AVPR1B: variants seen among roughly 807,000 people sequenced by gnomAD.
AVPR1B encodes the protein arginine vasopressin receptor 1B, also known as vasopressin V1b receptor.
Under a neutral mutation model 27.5 loss-of-function variants are expected in AVPR1B, and 25 were observed. The ratio of observed to expected loss-of-function variants is 0.91; its 90% CI spans 0.66 to 1.27. The LOEUF is 1.27. Among genes scored for constraint, AVPR1B ranks in the 50% most tolerant of loss-of-function variants. AVPR1B has a pLI of 0.00. For missense variants in AVPR1B, 595 were observed against 556.9 expected, an observed-to-expected ratio of 1.07 and a Z score of -0.69; for synonymous variants, 248 against 240.2, an observed-to-expected ratio of 1.03 and a Z score of -0.30.
chr1:206,113,775 T>C (rs34478268), intron 1 of AVPR1B, among the ~76,000 whole-genome samples: 2,379 of 152,330 alleles, frequency 0.016, 64 homozygotes, highest in African/African-American at 0.054. Flanking sequence ...GCCCAAGCTC[T>C]ATCTCTCACT....
In AVPR1B at chr1:206,115,981, A is replaced by T; in HGVS notation, c.910T>A (p.Ser304Thr). Reference sequence around the variant, plus strand: ...TCAGGGGCATTCTTGTCCCACACGGACCACATCTGGACACTGAAGAAGGGA... The same window carrying T: ...TCAGGGGCATTCTTGTCCCACACGGTCCACATCTGGACACTGAAGAAGGGA... ...WAPFFSVQMW[S>T]VWDKNAPDED... The change falls in exon 1 of 2, where the codon TCC (serine) becomes ACC (threonine). Residue 304 changes from serine (S) to threonine (T), a missense_variant. Transcript: ENST00000367126. 1 of 1,610,696 alleles carries T rather than the reference A, an allele frequency of 6.2e-7. No homozygotes were observed.
chr1:206,116,376 A>G lies in AVPR1B; in HGVS notation c.515T>C (p.Phe172Ser), dbSNP rs781913673. The part of the protein sequence containing the change: ...AIFSLPQVFI[F>S]SLREVIQGSG... ...GCCCTGGATCACCTCCCGCAGGGAA[A>G]AAATGAAGACTTGAGGGAGGCTGAA... Residue 172 changes from phenylalanine (F) to serine (S), a missense_variant, in exon 1 of 2, where the codon TTT (phenylalanine) becomes TCT (serine). Physicochemically the swap from Phe to Ser is radical, Grantham distance 155 (BLOSUM62 -2). Transcript: ENST00000367126. 6.2e-7 allele frequency: 1 copy of G among 1,613,820 alleles called. No individual in the cohort carries two copies. Among genetic ancestry groups the G allele is most frequent in the East Asian group, 2.2e-5 (1 of 44,878 alleles).
Position 206,107,259 on chromosome 1 carries a change from A to G in AVPR1B, c.*2930T>C, listed in dbSNP as rs1458661854. ...CAGGATGGCATAAACAATTTACACAAGTGCCCAGCCAGAGACGGCATTGTT... is the reference window on the plus strand; with the variant it reads ...CAGGATGGCATAAACAATTTACACAGGTGCCCAGCCAGAGACGGCATTGTT... On this transcript the variant is annotated 3_prime_UTR_variant, in exon 2 of 2. Coordinates refer to ENST00000367126, the MANE Select transcript of AVPR1B (RefSeq NM_000707.5). Among the ~76,000 whole-genome samples the G allele has an allele frequency of 2.0e-5, 3 of 152,150 alleles. No homozygotes were observed. In the East Asian group the frequency reaches 5.8e-4, roughly 29 times the overall value.
rs1328197443 is a variant in AVPR1B at position 206,116,318 on chromosome 1, G to A, written c.573C>T (p.Gly191=). 8 of 1,613,578 alleles carry A rather than the reference G, an allele frequency of 5.0e-6. No individual in the cohort carries two copies. The highest frequency in any genetic ancestry group is 5.9e-6 in the Non-Finnish European group (7 of 1,180,040). ...SGVLDCWADF[G]FPWGPRAYLT... ...GGTAGGCCCGTGGCCCCCAAGGGAA[G>A]CCGAAGTCTGCCCAGCAGTCCAGCA... The change falls in exon 1 of 2, where the codon GGC becomes GGT. Residue 191 remains glycine, a synonymous_variant. Transcript: ENST00000367126.
intron 1 of AVPR1B, among the ~76,000 whole-genome samples, 170 bp downstream of exon 1, chr1:206,115,781 G>A (rs1663453260): frequency 3.3e-5 from 5 of 152,212 alleles, no homozygotes; most frequent in Admixed American, 3.3e-4. Context: ...TCGGTAGGCT[G>A]AATGGAAATC....
In AVPR1B at chr1:206,110,136, G is replaced by A; in HGVS notation, c.*53C>T. On this transcript the variant is annotated 3_prime_UTR_variant, in exon 2 of 2. Coordinates refer to ENST00000367126, the MANE Select transcript of AVPR1B (RefSeq NM_000707.5). ...CTCTCATTTCCAGTGCCCGAGGTGG[G>A]CAGAGAACCTCCACTAGTCCTGGGG... 1 of 1,529,912 alleles carries A rather than the reference G, an allele frequency of 6.5e-7. No individual in the cohort carries two copies. The highest frequency in any genetic ancestry group is 8.8e-7 in the Non-Finnish European group (1 of 1,133,356). The allele number at this position is 1,529,912 out of a possible 1,614,324, so 94.8% of individuals were successfully genotyped here. A position where few individuals can be genotyped will look rare whatever the true frequency, so the allele number is the denominator to read the frequency against.
Position 206,116,579 on chromosome 1 carries a change from G to T in AVPR1B, c.312C>A (p.Asp104Glu), listed in dbSNP as rs782670454. The change falls in exon 1 of 2, where the codon GAC becomes GAA. Residue 104 changes from aspartate to glutamate, a missense_variant. Asp to Glu is a conservative substitution (Grantham distance 45). Coordinates refer to ENST00000367126, the MANE Select transcript of AVPR1B (RefSeq NM_000707.5). ...WDITYRFQGP[D>E]LLCRAVKYLQ... is the part of the protein sequence containing the mutation. ...GGTACTTGACGGCCCTGCACAGGAG[G>T]TCGGGGCCCTGGAAGCGGTAGGTGA... 1 of 1,614,168 alleles carries T rather than the reference G, an allele frequency of 6.2e-7. No individual in the cohort carries two copies. Among genetic ancestry groups the T allele is most frequent in the South Asian group, 1.1e-5 (1 of 91,090 alleles).
At position 206,109,551 on chromosome 1, in the gene AVPR1B, A is replaced by G. The variant is rs1663334888; in HGVS notation, c.*638T>C. On this transcript the variant is annotated 3_prime_UTR_variant, in exon 2 of 2. Coordinates refer to ENST00000367126, the MANE Select transcript of AVPR1B (RefSeq NM_000707.5). ...GGGGGGTGGCACGAGGAGAAGAGGG[A>G]CTGGCATTTGCAGAGTTCCTGCTAG... 6.6e-6 allele frequency: 1 copy of G among 152,194 alleles called. No homozygotes were observed. The highest frequency in any genetic ancestry group is 1.5e-5 in the Non-Finnish European group (1 of 68,182). The allele number at this position is 152,194 out of a possible 1,614,324, so 9.4% of individuals were successfully genotyped here.
At chr1:206,114,034 G>A (rs1663422035) in intron 1 of AVPR1B, among the ~76,000 whole-genome samples, 1 of 152,202 alleles carries the variant, frequency 6.6e-6, no homozygotes, top group African/African-American at 2.4e-5. Context: ...TCAAAAGGGC[G>A]ATTAAGAAGG....
rs1314691764 is a variant in AVPR1B at position 206,107,219 on chromosome 1, T to G, written c.*2970A>C. Among the ~76,000 whole-genome samples, 1 of 152,168 alleles carries G rather than the reference T, an allele frequency of 6.6e-6. No individual in the cohort carries two copies. Among genetic ancestry groups the G allele is most frequent in the African/African-American group, 2.4e-5 (1 of 41,438 alleles). On this transcript the variant is annotated 3_prime_UTR_variant, in exon 2 of 2. Coordinates refer to ENST00000367126, the MANE Select transcript of AVPR1B (RefSeq NM_000707.5). ...CATAGGTTTTAAGGGACTAAAGTACTGTCATTCACAGTCACAGGATGGCAT... is the reference window on the plus strand; with the variant it reads ...CATAGGTTTTAAGGGACTAAAGTACGGTCATTCACAGTCACAGGATGGCAT...
rs369311406 is a variant in AVPR1B at position 206,110,265 on chromosome 1, C to G, written c.1199G>C (p.Arg400Thr). The G allele has an allele frequency of 2.5e-5, 40 of 1,613,984 alleles. No individual in the cohort carries two copies. In the African/African-American group the frequency reaches 5.2e-4, roughly 21 times the overall value. Residue 400 changes from arginine to threonine, a missense_variant, in exon 2 of 2, where the codon AGG becomes ACG. Arg to Thr is a moderately conservative substitution (Grantham distance 71, BLOSUM62 -1). Transcript: ENST00000367126. ...CCTTGGTGACTCTTCAGGCCTGGGC[C>G]TCCCACTGAGGGTTAGGCTGAGGCT... Reference protein sequence around the residue: ...SLSLSLTLSGRPRPEESPRDL... With the variant: ...SLSLSLTLSGTPRPEESPRDL...
chr1:206,110,114 T>C lies in AVPR1B; in HGVS notation c.*75A>G. The C allele has an allele frequency of 6.8e-7, 1 of 1,480,022 alleles. No individual in the cohort carries two copies. The highest frequency in any genetic ancestry group is 9.1e-7 in the Non-Finnish European group (1 of 1,100,714). The allele number at this position is 1,480,022 out of a possible 1,614,324, so 91.7% of individuals were successfully genotyped here. On this transcript the variant is annotated 3_prime_UTR_variant, in exon 2 of 2. Transcript: ENST00000367126. ...ACTCCAACCCTTACCCTCCCAGCTCTCATTTCCAGTGCCCGAGGTGGGCAG... is the reference window on the plus strand; with the variant it reads ...ACTCCAACCCTTACCCTCCCAGCTCCCATTTCCAGTGCCCGAGGTGGGCAG...
Position 206,108,036 on chromosome 1 carries a change from G to A in AVPR1B, c.*2153C>T, listed in dbSNP as rs1663307319. ...CAGGTCTTTGGGGCACACAGCTGGT[G>A]TTCCTTCTACCTCCCAGTCATCATG... On this transcript the variant is annotated 3_prime_UTR_variant, in exon 2 of 2. Transcript: ENST00000367126. Among the ~76,000 whole-genome samples the A allele has an allele frequency of 6.6e-6, 1 of 152,030 alleles. No homozygotes were observed. Among genetic ancestry groups the A allele is most frequent in the Admixed American group, 6.6e-5 (1 of 15,264 alleles).
rs1663476800 is a variant in AVPR1B, at chr1:206,116,546, C to T, written c.345G>A (p.Val115=). 4 of 1,614,160 alleles carry T rather than the reference C, an allele frequency of 2.5e-6. No individual in the cohort carries two copies. Among genetic ancestry groups the T allele is most frequent in the East Asian group, 4.5e-5 (2 of 44,882 alleles). The part of the protein sequence containing the change: ...LLCRAVKYLQ[V]LSMFASTYML... The stretch of plus-strand genomic sequence containing the variant: ...TGTAGGTGGAGGCAAACATGCTGAG[C>T]ACCTGCAGGTACTTGACGGCCCTGC... Residue 115 remains valine, a synonymous_variant, in exon 1 of 2, where the codon GTG becomes GTA. Transcript: ENST00000367126.
In AVPR1B at chr1:206,117,030, G is replaced by T; in HGVS notation, c.-140C>A. On this transcript the variant is annotated 5_prime_UTR_variant, in exon 1 of 2. Coordinates refer to ENST00000367126, the MANE Select transcript of AVPR1B (RefSeq NM_000707.5). ...TGACAGGGAGAAGGCTTGCAAATAG[G>T]CGGAAATCGTTCAGAGGACTGGGAT... is the stretch of plus-strand genomic sequence containing the variant. 1.2e-6 allele frequency: 1 copy of T among 828,718 alleles called. No individual in the cohort carries two copies. Among genetic ancestry groups the T allele is most frequent in the Non-Finnish European group, 2.0e-6 (1 of 507,720 alleles). The allele number at this position is 828,718 out of a possible 1,614,324, so 51.3% of individuals were successfully genotyped here.
rs145482611 is a variant in AVPR1B at position 206,110,778 on chromosome 1, G to A, written c.941-255C>T. ...ACTGCAGGGTGAAGGTAGGAGCTGAGGTTTCCTTCAAGTTTAATTGAGAAG... is the reference window on the plus strand; with the variant it reads ...ACTGCAGGGTGAAGGTAGGAGCTGAAGTTTCCTTCAAGTTTAATTGAGAAG... On this transcript the variant is annotated intron_variant, in intron 1 of 1. Transcript: ENST00000367126. Among the ~76,000 whole-genome samples the A allele has an allele frequency of 6.4e-4, 97 of 152,270 alleles. 1 individual carries two copies. The highest frequency in any genetic ancestry group is 2.3e-3 in the African/African-American group (95 of 41,542).
In AVPR1B at chr1:206,108,105, G is replaced by T. The variant is rs1663308327; in HGVS notation, c.*2084C>A. 2.0e-5 allele frequency among the ~76,000 whole-genome samples: 3 copies of T among 152,120 alleles called. No individual in the cohort carries two copies. The highest frequency in any genetic ancestry group is 1.3e-4 in the Admixed American group (2 of 15,270). On this transcript the variant is annotated 3_prime_UTR_variant, in exon 2 of 2. Coordinates refer to ENST00000367126, the MANE Select transcript of AVPR1B (RefSeq NM_000707.5). ...ACTCTAGGCATTAGGGTCAGAAACT[G>T]TGGTCTAAAGATGGGGCAAGGGGGT...
Position 206,107,213 on chromosome 1 carries a change from A to C in AVPR1B, c.*2976T>G, listed in dbSNP as rs904491789. Among the ~76,000 whole-genome samples, 3 of 152,150 alleles carry C rather than the reference A, an allele frequency of 2.0e-5. No individual in the cohort carries two copies. The South Asian group carries it at 6.2e-4, about 31-fold the overall frequency. ...CTTGTACATAGGTTTTAAGGGACTA[A>C]AGTACTGTCATTCACAGTCACAGGA... On this transcript the variant is annotated 3_prime_UTR_variant, in exon 2 of 2. Transcript: ENST00000367126.
At position 206,110,662 on chromosome 1, in the gene AVPR1B, T is replaced by C. The variant is rs1324303268; in HGVS notation, c.941-139A>G. ...AAGGAGTCACTCAGTGTCCTATAAT[T>C]AGAGAGACACACACAGCTGAGACTT... On this transcript the variant is annotated intron_variant, in intron 1 of 1. Transcript: ENST00000367126. 4.2e-6 allele frequency: 3 copies of C among 711,540 alleles called. No homozygotes were observed. In the African/African-American group the frequency reaches 5.4e-5, roughly 13 times the overall value. The allele number at this position is 711,540 out of a possible 1,614,324, so 44.1% of individuals were successfully genotyped here. A position where few individuals can be genotyped will look rare whatever the true frequency, so the allele number is the denominator to read the frequency against.
Sources: allele counts gnomAD v4.1 joint callset (sites outside exome capture counted in the v4.1 genomes callset), GRCh38; gene constraint gnomAD v4.1.1; transcripts MANE v1.5; gene names NCBI Gene and HGNC (gene_info 2026-07-23, HGNC 2026-07-21).